Variants in HDAC9 observed in about 807,000 individuals in gnomAD.
The protein encoded by HDAC9 is MEF-2 interacting transcription repressor (MITR) protein.
In HDAC9, 41 loss-of-function variants were observed where a neutral mutation model predicts 139.4. The ratio of observed to expected loss-of-function variants is 0.29; its 90% CI spans 0.23 to 0.38. The LOEUF (loss-of-function observed/expected upper bound fraction) is 0.38, where lower values mean the gene tolerates loss of function less well. Among genes scored for constraint, HDAC9 ranks in the 10% least tolerant of loss-of-function variants. The pLI, the probability that HDAC9 is intolerant of heterozygous loss-of-function variation, is 1.00. For synonymous variants in HDAC9, 517 were observed against 476.2 expected (o/e 1.09, Z -1.12); for missense variants, 1,147 against 1,297.0 (o/e 0.88, Z 1.78).
Position 18,230,381 on chromosome 7 carries a change from C to T in HDAC9, c.25+68032C>T, listed in dbSNP as rs139446123. 6.8e-3 allele frequency among the ~76,000 whole-genome samples: 1,033 copies of T among 152,298 alleles called. 5 individuals are homozygous for T. Among genetic ancestry groups the T allele is most frequent in the Non-Finnish European group, 0.011 (752 of 68,024 alleles). On this transcript the variant is annotated intron_variant, in intron 2 of 12. Transcript: ENST00000417496. The stretch of plus-strand genomic sequence containing the variant: ...GCTTGGGGCACATGTTACGTGCCCA[C>T]GAAGCTAGCCCTTATAGATGCCTTT...
rs576219581 is a variant in HDAC9, at chr7:18,830,191, A to G, written c.2466+643A>G. 2.6e-5 allele frequency among the ~76,000 whole-genome samples: 4 copies of G among 152,318 alleles called. No homozygotes were observed. The South Asian group carries it at 6.2e-4, about 24-fold the overall frequency. On this transcript the variant is annotated intron_variant, in intron 19 of 25. Coordinates refer to ENST00000686413, the MANE Select transcript of HDAC9 (RefSeq NM_178425.4). Reference sequence around the variant, plus strand: ...TGACACTTGGCATATTGTCCACAGTATATTCATGAATAATGAGCTGGAGAT... The same window carrying G: ...TGACACTTGGCATATTGTCCACAGTGTATTCATGAATAATGAGCTGGAGAT...
intron 2 of HDAC9, among the ~76,000 whole-genome samples, chr7:18,255,977 T>C (rs894404592): frequency 2.0e-5 from 3 of 152,134 alleles, no homozygotes; most frequent in African/African-American, 4.8e-5. Context: ...TAAGGAAGCA[T>C]TGAAAGCACA....
chr7:18,477,192 A>G (rs1795176327), intron 1 of HDAC9, among the ~76,000 whole-genome samples: 1 of 152,174 alleles, frequency 6.6e-6, no homozygotes, highest in South Asian at 2.1e-4. Context: ...GATTAAAGTA[A>G]TTAATTATAT....
At chr7:18,292,258 G>A (rs1430065552) in intron 1 of HDAC9, among the ~76,000 whole-genome samples, 1 of 152,060 alleles carries the variant, frequency 6.6e-6, no homozygotes, top group Admixed American at 6.6e-5. Context: ...AAACTAAGGT[G>A]CAGAGAAGCT....
At position 18,587,783 on chromosome 7, in the gene HDAC9, G is replaced by A. The variant is rs143742195; in HGVS notation, c.264+2261G>A. On this transcript the variant is annotated intron_variant, in intron 3 of 25. Transcript: ENST00000686413. ...TGGGCCAGAACATCTAGCAATAGAG[G>A]GCTAAAGTTTTATTTCTTTCTATTG... Among the ~76,000 whole-genome samples, 785 of 152,250 alleles carry A rather than the reference G, an allele frequency of 5.2e-3. 7 individuals are homozygous for A. The highest frequency in any genetic ancestry group is 0.018 in the African/African-American group (747 of 41,548).
chr7:18,532,487 G>A (rs1809361996), intron 2 of HDAC9, among the ~76,000 whole-genome samples: 1 of 152,036 alleles, frequency 6.6e-6, no homozygotes, highest in African/African-American at 2.4e-5. Context: ...AAATTAATTT[G>A]TTCTTTCTTG....
chr7:18,774,995 CG>C (rs201321835), intron 16 of HDAC9, among the ~76,000 whole-genome samples: 3,594 of 151,934 alleles, frequency 0.024, 48 homozygotes, highest in Non-Finnish European at 0.034. Context: ...TAGAGGCTAT[CG>C]TAGGGTTATT....
chr7:18,263,513 C>T (rs1409984659), intron 2 of HDAC9, among the ~76,000 whole-genome samples: 2 of 152,132 alleles, frequency 1.3e-5, no homozygotes, highest in Non-Finnish European at 2.9e-5. Context: ...ACTGCCTGAG[C>T]TCATATGCCT....
chr7:18,846,463 G>A (rs76084852), intron 21 of HDAC9, among the ~76,000 whole-genome samples: 6,060 of 152,214 alleles, frequency 0.04, 363 homozygotes, highest in East Asian at 0.13. Context: ...AGGAAATATG[G>A]TTATTGACAA....
intron 22 of HDAC9, among the ~76,000 whole-genome samples, chr7:18,921,417 G>C (rs1054956976): frequency 1.3e-5 from 2 of 152,166 alleles, no homozygotes; most frequent in African/African-American, 4.8e-5. Context: ...AGTGGGTGAA[G>C]GATATGAACA....
At chr7:18,307,899 C>T (rs937771660) in intron 1 of HDAC9, among the ~76,000 whole-genome samples, 5 of 152,024 alleles carry the variant, frequency 3.3e-5, no homozygotes, top group Non-Finnish European at 5.9e-5. Context: ...ACAAAACAGC[C>T]GATGTCACTA....
intron 11 of HDAC9, among the ~76,000 whole-genome samples, chr7:18,653,319 A>C (rs1041480538): frequency 6.6e-6 from 1 of 151,172 alleles, no homozygotes; most frequent in African/African-American, 2.4e-5. Context: ...TGATATCTTT[A>C]AGGAAATAAA....
chr7:18,715,235 G>T (rs895674893), intron 12 of HDAC9, among the ~76,000 whole-genome samples: 4 of 144,070 alleles, frequency 2.8e-5, no homozygotes, highest in African/African-American at 1.0e-4. Context: ...TATTTTAAGG[G>T]GAAAGTGTTT....
At chr7:18,431,022 GTCCT>G in intron 1 of HDAC9, among the ~76,000 whole-genome samples, 1 of 24,858 alleles carries the variant, frequency 4.0e-5, no homozygotes, top group Non-Finnish European at 1.1e-4. Context: ...ATCTTGTCCT[GTCCT>G]GTCCTGTCCT....
At chr7:18,574,752 C>T (rs1825474701) in intron 2 of HDAC9, among the ~76,000 whole-genome samples, 2 of 152,262 alleles carry the variant, frequency 1.3e-5, no homozygotes, top group African/African-American at 2.4e-5. Flanking sequence ...CATGCACATA[C>T]CCAGCCGGGT....
chr7:18,141,445 G>A (rs1785890533), intron 1 of HDAC9, among the ~76,000 whole-genome samples: 1 of 152,052 alleles, frequency 6.6e-6, no homozygotes, highest in Non-Finnish European at 1.5e-5. Flanking sequence ...GCTTGAGCAG[G>A]AAATTTTGCA....
At position 18,962,478 on chromosome 7, in the gene HDAC9, G is replaced by T. The variant is rs533987433; in HGVS notation, c.3022+8248G>T. 4.6e-5 allele frequency among the ~76,000 whole-genome samples: 7 copies of T among 152,136 alleles called. No homozygotes were observed. In the South Asian group the frequency reaches 1.2e-3, roughly 27 times the overall value. On this transcript the variant is annotated intron_variant, in intron 24 of 25. Coordinates refer to ENST00000686413, the MANE Select transcript of HDAC9 (RefSeq NM_178425.4). ...GAATGTATCAGAATAAAAAAGAAAA[G>T]TCTGCCATCTGCTATGAGACACAGT...
intron 17 of HDAC9, among the ~76,000 whole-genome samples, chr7:18,807,289 G>A (rs1237777193): frequency 1.3e-5 from 2 of 152,022 alleles, no homozygotes; most frequent in African/African-American, 2.4e-5. Context: ...GGTATCAGTT[G>A]TTAAGTCTTG....
chr7:18,435,619 G>C (rs76571135), intron 1 of HDAC9, among the ~76,000 whole-genome samples: 4,887 of 151,430 alleles, frequency 0.032, 95 homozygotes, highest in African/African-American at 0.058. Context: ...ATGTTCGGGG[G>C]TACATGTGCA....
Sources: allele counts gnomAD v4.1 joint callset (sites outside exome capture counted in the v4.1 genomes callset), GRCh38; gene constraint gnomAD v4.1.1; transcripts MANE v1.5; gene names NCBI Gene and HGNC (gene_info 2026-07-23, HGNC 2026-07-21).